KATNAL2: variants seen among roughly 807,000 people sequenced by gnomAD.
KATNAL2 encodes katanin p60 ATPase-containing subunit A-like 2.
KATNAL2 carries 52 observed loss-of-function variants against 76.3 expected under a neutral mutation model. The observed-to-expected ratio is 0.68, with a 90% confidence interval of 0.55 to 0.86. KATNAL2 has a LOEUF of 0.86. Ranked by LOEUF, KATNAL2 falls within the 40% of genes least tolerant of loss-of-function variation. The pLI is 0.00. For missense variants in KATNAL2, 660 were observed against 668.9 expected (o/e 0.99, Z 0.15); for synonymous variants, 243 against 244.2 (o/e 1.00, Z 0.05).
chr18:46,941,216 G>T (rs1054408680), intron 1 of KATNAL2, among the ~76,000 whole-genome samples: 3 of 151,942 alleles, frequency 2.0e-5, no homozygotes, highest in African/African-American at 7.3e-5. Flanking sequence ...CCCAGCTACT[G>T]GGGGTAGGGG....
At chr18:47,086,892 A>C (rs1233627901) in intron 15 of KATNAL2, among the ~76,000 whole-genome samples, 1 of 152,234 alleles carries the variant, frequency 6.6e-6, no homozygotes, top group Non-Finnish European at 1.5e-5. Flanking sequence ...CTCATCAGAC[A>C]AAAACAACTT....
chr18:47,081,261 C>A (rs181034431), intron 15 of KATNAL2, among the ~76,000 whole-genome samples: 1 of 152,126 alleles, frequency 6.6e-6, no homozygotes. Flanking sequence ...TATTCAACAG[C>A]GGCACTGTCT....
At chr18:47,083,697 T>C (rs893194070) in intron 15 of KATNAL2, among the ~76,000 whole-genome samples, 3 of 152,208 alleles carry the variant, frequency 2.0e-5, no homozygotes, top group African/African-American at 7.2e-5. Flanking sequence ...ATGCTGCACC[T>C]TCAATATTAC....
chr18:47,041,159 C>CA (rs553796809), intron 3 of KATNAL2, among the ~76,000 whole-genome samples: 11 of 152,302 alleles, frequency 7.2e-5, no homozygotes, highest in Non-Finnish European at 1.2e-4. Context: ...GTCAACATCC[C>CA]AAAATACAGT....
At chr18:47,098,342 T>C (rs1172464202) in intron 15 of KATNAL2, 1 of 259,960 alleles carries the variant, frequency 3.8e-6, no homozygotes, top group East Asian at 1.1e-4. Flanking sequence ...CTCAGAATCA[T>C]GGCGGGGGGC....
chr18:46,949,426 T>C (rs1028786767), intron 3 of KATNAL2, among the ~76,000 whole-genome samples: 13 of 152,200 alleles, frequency 8.5e-5, no homozygotes, highest in Non-Finnish European at 1.5e-4. Context: ...TTAAATTTTG[T>C]ATTTTTTGTA....
chr18:47,087,333 T>C (rs773780878), intron 15 of KATNAL2, among the ~76,000 whole-genome samples: 16 of 151,970 alleles, frequency 1.1e-4, no homozygotes, highest in Admixed American at 2.0e-4. Flanking sequence ...ATAAAGAAAA[T>C]GTGGTACATA....
chr18:46,937,293 T>C (rs2059122344), intron 1 of KATNAL2, among the ~76,000 whole-genome samples: 2 of 152,150 alleles, frequency 1.3e-5, no homozygotes, highest in Non-Finnish European at 2.9e-5. Flanking sequence ...CCTAAAAATA[T>C]AAAGGTCATC....
At chr18:47,082,373 T>C (rs1420031252) in intron 15 of KATNAL2, among the ~76,000 whole-genome samples, 3 of 152,170 alleles carry the variant, frequency 2.0e-5, no homozygotes, top group East Asian at 1.9e-4. Context: ...ATATGTTTCC[T>C]TGGAGGCAAA....
chr18:46,930,190 C>G (rs927163639), intron 1 of KATNAL2, among the ~76,000 whole-genome samples: 1 of 152,148 alleles, frequency 6.6e-6, no homozygotes, highest in Non-Finnish European at 1.5e-5. Context: ...TTTCCTTAAC[C>G]TTGAAATTAT....
intron 15 of KATNAL2, chr18:47,084,479 C>T (rs2062676400): frequency 4.3e-6 from 3 of 693,626 alleles, no homozygotes; most frequent in Non-Finnish European, 7.9e-6. Context: ...GATCTAGTGG[C>T]CTGGTATGTT....
intron 1 of KATNAL2, among the ~76,000 whole-genome samples, chr18:46,934,888 C>T (rs1267940471): frequency 2.6e-5 from 4 of 152,104 alleles, no homozygotes; most frequent in Non-Finnish European, 5.9e-5. Flanking sequence ...TTTCCCAGCA[C>T]CATTTATTAA....
At chr18:46,958,348 A>G (rs1036488976) in intron 3 of KATNAL2, among the ~76,000 whole-genome samples, 2 of 152,230 alleles carry the variant, frequency 1.3e-5, no homozygotes, top group African/African-American at 2.4e-5. Flanking sequence ...ATAATAATAA[A>G]TCCTTATAAT....
chr18:46,952,848 C>T (rs1286689733), intron 3 of KATNAL2, among the ~76,000 whole-genome samples: 1 of 149,420 alleles, frequency 6.7e-6, no homozygotes, highest in Non-Finnish European at 1.5e-5. Flanking sequence ...TTCCTCCCTT[C>T]TCTTTGTTTC....
intron 3 of KATNAL2, among the ~76,000 whole-genome samples, chr18:46,953,451 C>A (rs886955046): frequency 6.6e-6 from 1 of 152,110 alleles, no homozygotes; most frequent in African/African-American, 2.4e-5. Flanking sequence ...CCAGCCTGGG[C>A]AACGTGATGA....
At chr18:46,928,904 T>C (rs1233201818) in intron 1 of KATNAL2, among the ~76,000 whole-genome samples, 2 of 152,088 alleles carry the variant, frequency 1.3e-5, no homozygotes, top group Non-Finnish European at 2.9e-5. Context: ...CAAGCAATTT[T>C]CCTGCCTCAG....
intron 15 of KATNAL2, among the ~76,000 whole-genome samples, chr18:47,097,544 A>T (rs960512534): frequency 6.6e-6 from 1 of 152,368 alleles, no homozygotes; most frequent in Middle Eastern, 3.4e-3. Context: ...CAAGGAAATC[A>T]TCAGACAAAT....
At chr18:46,960,092 G>C (rs181698515) in intron 3 of KATNAL2, among the ~76,000 whole-genome samples, 2 of 152,232 alleles carry the variant, frequency 1.3e-5, no homozygotes. Flanking sequence ...AATTATGAGA[G>C]AAGGCCTTCT....
intron 3 of KATNAL2, among the ~76,000 whole-genome samples, chr18:47,038,197 A>G (rs1470488180): frequency 6.6e-6 from 1 of 152,216 alleles, no homozygotes; most frequent in Non-Finnish European, 1.5e-5. Context: ...TTTCAAAAGT[A>G]TGATCAACAT....
Sources: allele counts gnomAD v4.1 joint callset (sites outside exome capture counted in the v4.1 genomes callset), GRCh38; gene constraint gnomAD v4.1.1; transcripts MANE v1.5; gene names NCBI Gene and HGNC (gene_info 2026-07-23, HGNC 2026-07-21).